Variants in FGF13 observed in about 807,000 individuals in gnomAD.
The protein encoded by FGF13 is fibroblast growth factor homologous factor 2.
In FGF13, 2 loss-of-function variants were observed where a neutral mutation model predicts 19.5. The ratio of observed to expected loss-of-function variants is 0.10; its 90% CI spans 0.04 to 0.32. The LOEUF (loss-of-function observed/expected upper bound fraction) is 0.32, where lower values mean the gene tolerates loss of function less well. FGF13 is among the 10% of genes least tolerant of loss of function. FGF13 has a pLI of 1.00. For synonymous variants in FGF13, 72 were observed against 76.9 expected (o/e 0.94, Z 0.33); for missense variants, 113 against 192.7 (o/e 0.59, Z 2.45).
At chrX:138,791,868 T>G in intron 3 of FGF13, among the ~76,000 whole-genome samples, 1 of 112,028 alleles carries the variant, frequency 8.9e-6, no homozygotes, top group East Asian at 2.8e-4. Flanking sequence ...GAAAAGACAT[T>G]AGCTTTGATC....
In FGF13 at chrX:139,010,356, A is replaced by AT. The variant is rs767337109; in HGVS notation, c.-112-145707dup. On this transcript the variant is annotated intron_variant, in intron 1 of 2. Transcript: ENST00000421460. ...CCAACAACTGTAGAATATACATTCC[A>AT]TTCATAAGGACATGAAACGTTCTCC... Among the ~76,000 whole-genome samples the AT allele has an allele frequency of 2.1e-3, 232 of 111,690 alleles. 2 individuals carry two copies. The highest frequency in any genetic ancestry group is 0.018 in the Middle Eastern group (4 of 219).
intron 3 of FGF13, among the ~76,000 whole-genome samples, chrX:138,681,153 AACAGAGTGAGACC>A (rs1197023993): frequency 9.6e-6 from 1 of 104,463 alleles, no homozygotes; most frequent in African/African-American, 3.5e-5. Context: ...CAGCCTGGGC[AACAGAGTGAGACC>A]AAAAAAAAAA....
At chrX:138,881,001 T>C (rs891389626) in intron 1 of FGF13, among the ~76,000 whole-genome samples, 2 of 111,928 alleles carry the variant, frequency 1.8e-5, no homozygotes, top group African/African-American at 6.5e-5. Context: ...ACTGAATCTG[T>C]AGATCACTTT....
At chrX:138,854,852 T>C (rs2091247489), downstream of FGF13, among the ~76,000 whole-genome samples, 1 of 111,952 alleles carries the variant, frequency 8.9e-6, no homozygotes. Context: ...TCACCTGCTG[T>C]AGAATTGGTG....
chrX:139,075,555 G>A (rs2083326821), intron 1 of FGF13, among the ~76,000 whole-genome samples: 1 of 111,675 alleles, frequency 9.0e-6, no homozygotes, highest in African/African-American at 3.3e-5. Flanking sequence ...ACACCTCAGA[G>A]TCAACATTTT....
intron 1 of FGF13, among the ~76,000 whole-genome samples, chrX:139,161,034 CACA>C (rs1228115850): frequency 1.8e-5 from 2 of 111,644 alleles, no homozygotes; most frequent in Admixed American, 9.5e-5. Context: ...CTGGCAGAGA[CACA>C]ACAACAACAA....
chrX:138,928,946 T>G (rs970006808), intron 1 of FGF13, among the ~76,000 whole-genome samples: 3 of 112,073 alleles, frequency 2.7e-5, no homozygotes, highest in Non-Finnish European at 5.6e-5. Flanking sequence ...ACACATGTGT[T>G]CAGGTCAGAT....
chrX:138,952,148 A>G (rs370821625), intron 1 of FGF13, among the ~76,000 whole-genome samples: 186 of 111,619 alleles, frequency 1.7e-3, no homozygotes, highest in African/African-American at 5.5e-3. Context: ...GAACAAAGCT[A>G]GAGGCATCAT....
chrX:138,644,027 G>T (rs1023215061), intron 3 of FGF13, among the ~76,000 whole-genome samples: 1 of 111,685 alleles, frequency 9.0e-6, no homozygotes, highest in Non-Finnish European at 1.9e-5. Context: ...GCAAGAATAT[G>T]AGTTCTGAAG....
At chrX:138,887,378 A>G (rs1239994464) in intron 1 of FGF13, among the ~76,000 whole-genome samples, 1 of 111,818 alleles carries the variant, frequency 8.9e-6, no homozygotes, top group Admixed American at 9.5e-5. Context: ...AGTTAGCACT[A>G]TGGAAATCCT....
At chrX:138,977,975 TC>T (rs2091946585) in intron 1 of FGF13, among the ~76,000 whole-genome samples, 1 of 111,901 alleles carries the variant, frequency 8.9e-6, no homozygotes. Flanking sequence ...CATTTTTTAT[TC>T]AGATTAGCCG....
intron 3 of FGF13, among the ~76,000 whole-genome samples, chrX:138,755,560 A>C (rs1465444248): frequency 8.9e-6 from 1 of 112,898 alleles, no homozygotes; most frequent in Non-Finnish European, 1.9e-5. Flanking sequence ...TTATTAAATA[A>C]CAAATACATG....
intron 3 of FGF13, among the ~76,000 whole-genome samples, chrX:138,767,491 C>T (rs2090510802): frequency 9.0e-6 from 1 of 111,452 alleles, no homozygotes; most frequent in South Asian, 3.8e-4. Context: ...GAGAAACAAG[C>T]AATACTTTAG....
At chrX:138,854,710 A>AT (rs922318868), downstream of FGF13, among the ~76,000 whole-genome samples, 4 of 111,765 alleles carry the variant, frequency 3.6e-5, no homozygotes, top group South Asian at 3.7e-4. Flanking sequence ...AGGCTTAAAA[A>AT]TTTTTTTTTA....
chrX:138,924,597 C>T, intron 1 of FGF13, among the ~76,000 whole-genome samples: 1 of 111,718 alleles, frequency 9.0e-6, no homozygotes, highest in Non-Finnish European at 1.9e-5. Flanking sequence ...TTGGTCACAG[C>T]TTCCCATATA....
chrX:139,097,073 A>G (rs2083475334), intron 1 of FGF13, among the ~76,000 whole-genome samples: 1 of 112,249 alleles, frequency 8.9e-6, no homozygotes, highest in Non-Finnish European at 1.9e-5. Flanking sequence ...ATATAAAAAT[A>G]CTAAATAAAA....
chrX:138,625,738 G>A lies in FGF13; in HGVS notation c.*7112C>T, dbSNP rs1353021807. 8.3e-5 allele frequency: 9 copies of A among 107,825 alleles called. No homozygotes were observed. The highest frequency in any genetic ancestry group is 1.7e-4 in the Non-Finnish European group (9 of 52,266). The allele number at this position is 107,825 out of a possible 1,213,427, so 8.9% of individuals were successfully genotyped here. ...TGGTTACCAGGGTCTAGGGGGTGAG[G>A]TAACGTGGAGCTGTAAAAAAAATTA... On this transcript the variant is annotated 3_prime_UTR_variant, in exon 5 of 5. Coordinates refer to ENST00000315930, the MANE Select transcript of FGF13 (RefSeq NM_004114.5).
chrX:138,809,763 A>G (rs1233933732), intron 3 of FGF13, among the ~76,000 whole-genome samples: 3 of 112,045 alleles, frequency 2.7e-5, no homozygotes, highest in Non-Finnish European at 5.6e-5. Context: ...TACAAAATCA[A>G]AGTGCAAAAA....
chrX:138,843,681 C>G (rs755752054), intron 3 of FGF13, among the ~76,000 whole-genome samples: 1 of 111,589 alleles, frequency 9.0e-6, no homozygotes, highest in Non-Finnish European at 1.9e-5. Flanking sequence ...AAGGGACAAT[C>G]CAAGTGCAAG....
Sources: allele counts gnomAD v4.1 joint callset (sites outside exome capture counted in the v4.1 genomes callset), GRCh38; gene constraint gnomAD v4.1.1; transcripts MANE v1.5; gene names NCBI Gene and HGNC (gene_info 2026-07-23, HGNC 2026-07-21).